PRKCA: variants seen among roughly 807,000 people sequenced by gnomAD.
The protein encoded by PRKCA is protein kinase C alpha, also known as protein kinase C alpha type.
In PRKCA, 27 loss-of-function variants were observed where a neutral mutation model predicts 87.0. The observed-to-expected ratio is 0.31, with a 90% CI of 0.23 to 0.43. The LOEUF is 0.43. Ranked by LOEUF, PRKCA falls within the 20% of genes least tolerant of loss-of-function variation. The pLI, the probability that PRKCA is intolerant of heterozygous loss-of-function variation, is 1.00. For synonymous variants in PRKCA, 329 were observed against 311.1 expected (o/e 1.06, Z -0.61); for missense variants, 518 against 852.3 (o/e 0.61, Z 4.88).
chr17:66,563,810 C>A (rs8065647), intron 3 of PRKCA, among the ~76,000 whole-genome samples: 1 of 152,144 alleles, frequency 6.6e-6, no homozygotes, highest in South Asian at 2.1e-4. Context: ...ACTGTCTGTG[C>A]AGAGGTACGT....
At chr17:66,663,764 C>G (rs9895130) in intron 5 of PRKCA, among the ~76,000 whole-genome samples, 70,656 of 151,992 alleles carry the variant, frequency 0.46, 16,733 homozygotes, top group African/African-American at 0.54. Flanking sequence ...GACACCTTCC[C>G]CGGCCCTCCC....
intron 3 of PRKCA, among the ~76,000 whole-genome samples, chr17:66,608,960 C>T (rs148847654): frequency 5.9e-4 from 90 of 152,314 alleles, no homozygotes; most frequent in African/African-American, 2.1e-3. Flanking sequence ...ATCAATCCGC[C>T]TCTCCCCCTT....
rs535477602 is a variant in PRKCA, at chr17:66,540,137, G to A, written c.288+43854G>A. On this transcript the variant is annotated intron_variant, in intron 3 of 16. Transcript: ENST00000413366. ...TGGGAACCCTAGGCCAGCAAACTTCGGGAAGTGTCTGTGGCAGCTTGAATG... is the reference window on the plus strand; with the variant it reads ...TGGGAACCCTAGGCCAGCAAACTTCAGGAAGTGTCTGTGGCAGCTTGAATG... Among the ~76,000 whole-genome samples, 9 of 152,282 alleles carry A rather than the reference G, an allele frequency of 5.9e-5. No individual in the cohort carries two copies. The East Asian group carries it at 9.7e-4, about 16-fold the overall frequency.
intron 2 of PRKCA, among the ~76,000 whole-genome samples, chr17:66,325,955 CTA>C (rs1228212521): frequency 1.3e-5 from 2 of 152,222 alleles, no homozygotes; most frequent in African/African-American, 2.4e-5. Flanking sequence ...AGACCTCCAT[CTA>C]TGAGTGGCTA....
In PRKCA at chr17:66,537,899, G is replaced by A. The variant is rs191613350; in HGVS notation, c.288+41616G>A. Among the ~76,000 whole-genome samples, 10 of 152,186 alleles carry A rather than the reference G, an allele frequency of 6.6e-5. No individual in the cohort carries two copies. In the East Asian group the frequency reaches 1.9e-3, roughly 29 times the overall value. The stretch of plus-strand genomic sequence containing the variant: ...CGGCTCACTGCAATCTCCACCTCCT[G>A]GGTTTAAGGGGTTCTCGTGCCTCAG... On this transcript the variant is annotated intron_variant, in intron 3 of 16. Transcript: ENST00000413366.
intron 2 of PRKCA, chr17:66,403,833 A>C (rs778834951): frequency 2.7e-4 from 41 of 152,192 alleles, no homozygotes; most frequent in Non-Finnish European, 5.7e-4. Context: ...AATGTAATGC[A>C]TGGGGAAATG....
intron 3 of PRKCA, among the ~76,000 whole-genome samples, chr17:66,617,060 T>C (rs533300282): frequency 6.6e-6 from 1 of 152,176 alleles, no homozygotes; most frequent in Admixed American, 6.5e-5. Context: ...AAATACAGCC[T>C]CTGGAAAAGT....
intron 3 of PRKCA, among the ~76,000 whole-genome samples, chr17:66,612,343 T>G (rs1970392484): frequency 7.2e-6 from 1 of 138,964 alleles, no homozygotes; most frequent in Admixed American, 8.0e-5. Context: ...ACCACACCAT[T>G]GCGCTCCAGC....
intron 5 of PRKCA, among the ~76,000 whole-genome samples, chr17:66,655,527 A>C (rs897267080): frequency 3.3e-5 from 5 of 152,202 alleles, no homozygotes; most frequent in Non-Finnish European, 5.9e-5. Context: ...GCCATGCCTG[A>C]AACCAACCAC....
chr17:66,440,845 G>A (rs1012078272), intron 2 of PRKCA, among the ~76,000 whole-genome samples: 15 of 151,966 alleles, frequency 9.9e-5, no homozygotes, highest in Non-Finnish European at 1.9e-4. Flanking sequence ...TGGCAACACC[G>A]TAAGACCCCA....
chr17:66,742,021 A>T (rs1192087442), intron 12 of PRKCA, among the ~76,000 whole-genome samples: 2 of 152,220 alleles, frequency 1.3e-5, no homozygotes, highest in African/African-American at 4.8e-5. Context: ...GGAGCAATGG[A>T]AACTGAATTC....
At position 66,551,831 on chromosome 17, in the gene PRKCA, T is replaced by C. The variant is rs1038118415; in HGVS notation, c.288+55548T>C. Among the ~76,000 whole-genome samples, 3 of 152,194 alleles carry C rather than the reference T, an allele frequency of 2.0e-5. No homozygotes were observed. In the East Asian group the frequency reaches 5.8e-4, roughly 29 times the overall value. ...ATTATCTTTCTCTTCTTTCCTTTAATGAAGTATAATTCACATATTACAAAA... is the reference window on the plus strand; with the variant it reads ...ATTATCTTTCTCTTCTTTCCTTTAACGAAGTATAATTCACATATTACAAAA... On this transcript the variant is annotated intron_variant, in intron 3 of 16. Transcript: ENST00000413366.
chr17:66,305,063 G>A (rs1305979819), intron 1 of PRKCA, among the ~76,000 whole-genome samples: 1 of 152,146 alleles, frequency 6.6e-6, no homozygotes, highest in Admixed American at 6.6e-5. Context: ...CCAGTATTGT[G>A]AAGTGGAAAA....
At chr17:66,741,561 A>T (rs879767352) in intron 11 of PRKCA, 98 bp from the exon 12 acceptor site, 112 of 1,341,678 alleles carry the variant, frequency 8.3e-5, no homozygotes, top group Non-Finnish European at 1.1e-4. Flanking sequence ...TCTGGGTCTG[A>T]CATTCTTTTC....
At chr17:66,765,352 G>T (rs1974774061) in intron 13 of PRKCA, among the ~76,000 whole-genome samples, 1 of 146,122 alleles carries the variant, frequency 6.8e-6, no homozygotes, top group Admixed American at 7.0e-5. Flanking sequence ...GGCAGAGGTT[G>T]CAGTGAGCCG....
intron 2 of PRKCA, among the ~76,000 whole-genome samples, chr17:66,368,159 C>T (rs951713888): frequency 2.4e-4 from 36 of 151,978 alleles, no homozygotes; most frequent in African/African-American, 8.0e-4. Context: ...GCAATTCTTA[C>T]CTTGTACAGA....
At chr17:66,621,716 A>T (rs1970685878) in intron 3 of PRKCA, among the ~76,000 whole-genome samples, 1 of 152,164 alleles carries the variant, frequency 6.6e-6, no homozygotes, top group Admixed American at 6.5e-5. Flanking sequence ...ACCTCCAAGA[A>T]TGGCAAGCAA....
At chr17:66,777,808 C>G (rs1290746558) in intron 14 of PRKCA, 1 of 985,268 alleles carries the variant, frequency 1.0e-6, no homozygotes, top group Non-Finnish European at 1.2e-6. Flanking sequence ...CAAGAGGTCA[C>G]GTGAGTAGAC....
At chr17:66,477,695 G>A (rs376541459) in intron 2 of PRKCA, among the ~76,000 whole-genome samples, 14 of 152,216 alleles carry the variant, frequency 9.2e-5, no homozygotes, top group African/African-American at 2.6e-4. Context: ...GTGAGACTCC[G>A]TCTCAAAACA....
Sources: gnomAD v4.1 joint callset for allele counts (sites outside exome capture counted in the v4.1 genomes callset) on GRCh38, gnomAD v4.1.1 for gene constraint, MANE v1.5 for transcripts, NCBI Gene and HGNC (gene_info 2026-07-23, HGNC 2026-07-21) for gene names.